The following GAS2L3 variants were observed in gnomAD, a reference collection of about 807,000 sequenced individuals.
GAS2L3 encodes growth arrest specific 2 like 3.
In GAS2L3, 28 loss-of-function variants were observed where a neutral mutation model predicts 37.0. That is an observed-to-expected ratio of 0.76 (90% CI 0.56 to 1.04). The LOEUF is 1.04. Ranked by LOEUF, GAS2L3 falls within the 50% of genes least tolerant of loss-of-function variation. GAS2L3 has a pLI of 0.00. For synonymous variants in GAS2L3, 290 were observed against 296.6 expected, an observed-to-expected ratio of 0.98 and a Z score of 0.23; for missense variants, 793 against 817.6, an observed-to-expected ratio of 0.97 and a Z score of 0.37.
At chr12:100,601,586 C>A (rs1955989873) in intron 4 of GAS2L3, 52 bp from the exon 5 acceptor site, 3 of 825,202 alleles carry the variant, frequency 3.6e-6, no homozygotes, top group Non-Finnish European at 6.3e-6. Flanking sequence ...TAATTTTAAC[C>A]ATATTGTTTT....
chr12:100,588,229 T>C (rs1029304195), intron 1 of GAS2L3, among the ~76,000 whole-genome samples: 2 of 152,144 alleles, frequency 1.3e-5, no homozygotes, highest in Non-Finnish European at 2.9e-5. Flanking sequence ...GTGTAGGTTC[T>C]TTCTATTTTC....
chr12:100,617,144 T>C (rs1204785381), intron 6 of GAS2L3, among the ~76,000 whole-genome samples: 3 of 152,218 alleles, frequency 2.0e-5, no homozygotes, highest in African/African-American at 7.2e-5. Flanking sequence ...TATATTGAAC[T>C]ATTTCTGGCA....
At chr12:100,621,882 G>GAGAGA (rs1490640473) in intron 8 of GAS2L3, among the ~76,000 whole-genome samples, 6 of 81,294 alleles carry the variant, frequency 7.4e-5, no homozygotes, top group African/African-American at 1.6e-4. Flanking sequence ...GGTGGGGGGG[G>GAGAGA]GAGAGAGAGA....
At chr12:100,618,195 A>G (rs1232666440) in intron 7 of GAS2L3, among the ~76,000 whole-genome samples, 2 of 152,180 alleles carry the variant, frequency 1.3e-5, no homozygotes, top group Non-Finnish European at 2.9e-5. Flanking sequence ...AGCTGATTCG[A>G]AAGCCACCTT....
At chr12:100,608,236 G>T (rs1956080432) in intron 5 of GAS2L3, among the ~76,000 whole-genome samples, 1 of 152,096 alleles carries the variant, frequency 6.6e-6, no homozygotes, top group Non-Finnish European at 1.5e-5. Context: ...GAAACAAATG[G>T]AGTATCTCCC....
At chr12:100,589,143 T>G (rs553679376) in intron 1 of GAS2L3, among the ~76,000 whole-genome samples, 2 of 152,310 alleles carry the variant, frequency 1.3e-5, no homozygotes, top group East Asian at 3.9e-4. Context: ...ATGTCCATAT[T>G]AATATGAAAT....
chr12:100,607,596 G>C (rs1049669005), intron 5 of GAS2L3, among the ~76,000 whole-genome samples: 1 of 151,754 alleles, frequency 6.6e-6, no homozygotes, highest in Admixed American at 6.6e-5. Context: ...AGATCCTTTA[G>C]GTGTGCTTCG....
At chr12:100,608,575 G>GC (rs1417889538) in intron 5 of GAS2L3, among the ~76,000 whole-genome samples, 2 of 152,070 alleles carry the variant, frequency 1.3e-5, no homozygotes, top group East Asian at 3.9e-4. Context: ...AGGCTGGAGT[G>GC]CAGTGGCACA....
At chr12:100,609,093 T>C (rs1392376308) in intron 5 of GAS2L3, among the ~76,000 whole-genome samples, 1 of 152,122 alleles carries the variant, frequency 6.6e-6, no homozygotes, top group Admixed American at 6.5e-5. Flanking sequence ...GTTCCAGAAA[T>C]GCTGACCAAG....
intron 1 of GAS2L3, among the ~76,000 whole-genome samples, chr12:100,582,611 G>T (rs181756548): frequency 2.5e-3 from 374 of 152,286 alleles, no homozygotes; most frequent in African/African-American, 8.5e-3. Flanking sequence ...TCAAAAGGTT[G>T]CCCATGACAA....
chr12:100,605,033 T>A (rs1426665781), intron 5 of GAS2L3, among the ~76,000 whole-genome samples: 1 of 152,130 alleles, frequency 6.6e-6, no homozygotes, highest in Non-Finnish European at 1.5e-5. Context: ...TCAACATTCA[T>A]GAGAGATATT....
rs140712833 is a variant in GAS2L3 at position 100,612,271 on chromosome 12, T to C, written c.445+130T>C. The C allele has an allele frequency of 3.8e-5, 27 of 716,468 alleles. No homozygotes were observed. In the African/African-American group the frequency reaches 4.5e-4, roughly 12 times the overall value. The allele number at this position is 716,468 out of a possible 1,614,324, so 44.4% of individuals were successfully genotyped here. A position where few individuals can be genotyped will look rare whatever the true frequency, so the allele number is the denominator to read the frequency against. Reference sequence around the variant, plus strand: ...CATTTTCCTAGAAAAATGTATACTTTGAATATATGTAGAATTATTGGAGAA... The same window carrying C: ...CATTTTCCTAGAAAAATGTATACTTCGAATATATGTAGAATTATTGGAGAA... On this transcript the variant is annotated intron_variant, in intron 6 of 9. Transcript: ENST00000547754.
At chr12:100,595,671 G>T (rs1955903032) in intron 3 of GAS2L3, among the ~76,000 whole-genome samples, 1 of 151,920 alleles carries the variant, frequency 6.6e-6, no homozygotes, top group African/African-American at 2.4e-5. Context: ...TTTCAGTTCT[G>T]ATCCTAGTTC....
chr12:100,580,022 C>G, intron 1 of GAS2L3: 1 of 1,414,994 alleles, frequency 7.1e-7, no homozygotes, highest in Non-Finnish European at 1.0e-6. Context: ...CAGGCTACAT[C>G]TTTGCTTTGT....
intron 5 of GAS2L3, among the ~76,000 whole-genome samples, chr12:100,602,941 C>T (rs1336483753): frequency 1.1e-4 from 16 of 152,104 alleles, no homozygotes. Context: ...TAATGACCTC[C>T]AGTTCCATCC....
In GAS2L3 at chr12:100,601,771, A is replaced by G; in HGVS notation, c.303+18A>G. 7.6e-7 allele frequency: 1 copy of G among 1,310,878 alleles called. No individual in the cohort carries two copies. Among genetic ancestry groups the G allele is most frequent in the Non-Finnish European group, 1.1e-6 (1 of 917,604 alleles). The allele number at this position is 1,310,878 out of a possible 1,614,324, so 81.2% of individuals were successfully genotyped here. A position where few individuals can be genotyped will look rare whatever the true frequency, so the allele number is the denominator to read the frequency against. The stretch of plus-strand genomic sequence containing the variant: ...AATCAGGGGTAAGTAAATGTTCGAC[A>G]GTATTGATTTTATGTCTTGGTACAT... On this transcript the variant is annotated intron_variant, in intron 5 of 9. Coordinates refer to ENST00000547754, the MANE Select transcript of GAS2L3 (RefSeq NM_174942.3).
intron 4 of GAS2L3, among the ~76,000 whole-genome samples, chr12:100,601,257 T>C (rs1955985376): frequency 6.6e-6 from 1 of 152,160 alleles, no homozygotes; most frequent in South Asian, 2.1e-4. Flanking sequence ...GAAGACATTC[T>C]AGAAGTAAAA....
In GAS2L3 at chr12:100,625,202, A is replaced by G. The variant is rs542728611; in HGVS notation, c.*312A>G. On this transcript the variant is annotated 3_prime_UTR_variant, in exon 10 of 10. Coordinates refer to ENST00000547754, the MANE Select transcript of GAS2L3 (RefSeq NM_174942.3). Reference sequence around the variant, plus strand: ...AAATGTAAAAGTTATTTAACACTACAAGAATTTTAACAATAGTTGCTCTAT... The same window carrying G: ...AAATGTAAAAGTTATTTAACACTACGAGAATTTTAACAATAGTTGCTCTAT... 47 of 192,160 alleles carry G rather than the reference A, an allele frequency of 2.4e-4. No individual in the cohort carries two copies. Among genetic ancestry groups the G allele is most frequent in the African/African-American group, 1.1e-3 (47 of 42,968 alleles). The allele number at this position is 192,160 out of a possible 1,614,324, so 11.9% of individuals were successfully genotyped here.
chr12:100,617,212 GTATTT>G (rs1482166467), intron 6 of GAS2L3, among the ~76,000 whole-genome samples: 9 of 152,076 alleles, frequency 5.9e-5, no homozygotes, highest in Non-Finnish European at 1.5e-5. Flanking sequence ...TGGTTTGCCA[GTATTT>G]CATTGAGGAT....
Sources: allele counts gnomAD v4.1 joint callset (sites outside exome capture counted in the v4.1 genomes callset), GRCh38; gene constraint gnomAD v4.1.1; transcripts MANE v1.5; gene names NCBI Gene and HGNC (gene_info 2026-07-23, HGNC 2026-07-21).